HTR1F: variants seen among roughly 807,000 people sequenced by gnomAD.
HTR1F encodes the protein 5-hydroxytryptamine (serotonin) receptor 1F, G protein-coupled.
A neutral mutation model predicts 24.0 loss-of-function variants in HTR1F; 17 were observed. That is an observed-to-expected ratio of 0.71 (90% confidence interval 0.48 to 1.06). The LOEUF is 1.06. Among genes scored for constraint, HTR1F ranks in the 50% least tolerant of loss-of-function variants. The pLI is 0.00. For synonymous variants in HTR1F, 186 were observed against 156.8 expected, an observed-to-expected ratio of 1.19 and a Z score of -1.39; for missense variants, 391 against 427.8, an observed-to-expected ratio of 0.91 and a Z score of 0.76.
chr3:87,855,601 C>T (rs904234453), intron 2 of HTR1F, among the ~76,000 whole-genome samples: 2 of 151,916 alleles, frequency 1.3e-5, no homozygotes, highest in African/African-American at 4.8e-5. Flanking sequence ...TTTCTCTGTC[C>T]ATTGTATTAC....
At chr3:87,844,102 C>T (rs1432010120) in intron 2 of HTR1F, among the ~76,000 whole-genome samples, 1 of 150,850 alleles carries the variant, frequency 6.6e-6, no homozygotes, top group African/African-American at 2.5e-5. Context: ...GGAATCGCCA[C>T]ACTGACTTCC....
At chr3:87,840,301 T>C (rs1286368244) in intron 2 of HTR1F, among the ~76,000 whole-genome samples, 3 of 152,264 alleles carry the variant, frequency 2.0e-5, no homozygotes, top group Admixed American at 2.0e-4. Context: ...ATAGAAGTCA[T>C]GTAAATGGCC....
intron 2 of HTR1F, among the ~76,000 whole-genome samples, chr3:87,917,491 G>GA (rs1157352392): frequency 6.6e-6 from 1 of 151,420 alleles, no homozygotes; most frequent in African/African-American, 2.4e-5. Context: ...AAAGAAGAGA[G>GA]AAAATCTAAA....
chr3:87,919,734 A>G (rs190733234), intron 2 of HTR1F, among the ~76,000 whole-genome samples: 3 of 152,152 alleles, frequency 2.0e-5, no homozygotes, highest in Non-Finnish European at 2.9e-5. Flanking sequence ...GTTGGCGTGG[A>G]TGCAGTGGAC....
chr3:87,959,885 TTA>T (rs1705024269), intron 2 of HTR1F, among the ~76,000 whole-genome samples: 1 of 151,860 alleles, frequency 6.6e-6, no homozygotes, highest in African/African-American at 2.4e-5. Flanking sequence ...CAAATGTCAT[TTA>T]TATAGAAAAA....
At chr3:87,869,432 G>GATAC (rs879498079) in intron 2 of HTR1F, among the ~76,000 whole-genome samples, 31 of 135,004 alleles carry the variant, frequency 2.3e-4, no homozygotes, top group African/African-American at 7.5e-4. Context: ...TAGATAGATA[G>GATAC]ATACATAGAT....
chr3:87,967,345 G>A (rs1426108662), intron 2 of HTR1F, among the ~76,000 whole-genome samples: 1 of 152,050 alleles, frequency 6.6e-6, no homozygotes, highest in Non-Finnish European at 1.5e-5. Context: ...CGCTACTCAG[G>A]AGGCTGAGGC....
intron 2 of HTR1F, among the ~76,000 whole-genome samples, chr3:87,973,145 T>G (rs746131397): frequency 6.6e-6 from 1 of 152,140 alleles, no homozygotes; most frequent in Non-Finnish European, 1.5e-5. Context: ...CACTCCAGCC[T>G]GGGTGACAAG....
chr3:87,990,287 A>G (rs773266006), intron 2 of HTR1F, among the ~76,000 whole-genome samples: 2 of 152,162 alleles, frequency 1.3e-5, no homozygotes, highest in East Asian at 1.9e-4. Context: ...CACTGGCTCT[A>G]TCAGCTTTGA....
At chr3:87,807,157 T>C (rs1704087045) in intron 1 of HTR1F, among the ~76,000 whole-genome samples, 1 of 152,072 alleles carries the variant, frequency 6.6e-6, no homozygotes, top group South Asian at 2.1e-4. Flanking sequence ...TTTCTATTTC[T>C]GTAAAAAATC....
chr3:87,936,544 A>G (rs1369231453), intron 2 of HTR1F, among the ~76,000 whole-genome samples: 5 of 152,214 alleles, frequency 3.3e-5, no homozygotes, highest in African/African-American at 1.2e-4. Context: ...AATTTTTATA[A>G]CACTCCAATA....
Position 87,928,118 on chromosome 3 carries a change from T to C in HTR1F, c.-42-62590T>C, listed in dbSNP as rs1333837888. 6.0e-5 allele frequency among the ~76,000 whole-genome samples: 9 copies of C among 151,036 alleles called. No individual in the cohort carries two copies. In the Admixed American group the frequency reaches 6.0e-4, roughly 10 times the overall value. On this transcript the variant is annotated intron_variant, in intron 2 of 2. Coordinates refer to ENST00000319595, the MANE Select transcript of HTR1F (RefSeq NM_001322209.2). ...TGGAGTGCAGTGGTGCAATCTCAGC[T>C]CACTGCAACCTCTGCTTCCCAGGTT...
chr3:87,930,602 A>G (rs966948865), intron 2 of HTR1F, among the ~76,000 whole-genome samples: 2 of 152,148 alleles, frequency 1.3e-5, no homozygotes, highest in African/African-American at 4.8e-5. Flanking sequence ...TGATTTGTGT[A>G]TGTTGTACCA....
At chr3:87,826,289 A>G (rs1575913855) in intron 2 of HTR1F, among the ~76,000 whole-genome samples, 1 of 152,174 alleles carries the variant, frequency 6.6e-6, no homozygotes, top group African/African-American at 2.4e-5. Flanking sequence ...TCCTCTTTCT[A>G]TAACAGCTGG....
chr3:87,845,438 A>G (rs1704918509), intron 2 of HTR1F, among the ~76,000 whole-genome samples: 1 of 149,440 alleles, frequency 6.7e-6, no homozygotes, highest in African/African-American at 2.5e-5. Flanking sequence ...ATACACCAAC[A>G]ACAGACAAAC....
intron 2 of HTR1F, among the ~76,000 whole-genome samples, chr3:87,902,703 T>G (rs1177767078): frequency 1.3e-5 from 2 of 150,490 alleles, no homozygotes; most frequent in African/African-American, 4.9e-5. Context: ...ACCCATTAAC[T>G]CGTCATTTAG....
At chr3:87,901,544 G>T (rs1280637925) in intron 2 of HTR1F, among the ~76,000 whole-genome samples, 3 of 152,072 alleles carry the variant, frequency 2.0e-5, no homozygotes, top group Admixed American at 6.6e-5. Context: ...AGATTTTCTA[G>T]ACTTCTTAAG....
intron 2 of HTR1F, among the ~76,000 whole-genome samples, chr3:87,981,210 T>C (rs2107513302): frequency 6.6e-6 from 1 of 152,266 alleles, no homozygotes; most frequent in South Asian, 2.1e-4. Flanking sequence ...TGTTTGTTTT[T>C]TGGAGATGGA....
At chr3:87,944,273 A>G (rs546454584) in intron 2 of HTR1F, among the ~76,000 whole-genome samples, 54 of 152,336 alleles carry the variant, frequency 3.5e-4, no homozygotes, top group African/African-American at 1.3e-3. Context: ...CCCATAAGCA[A>G]CAGTTCTTAT....
Sources: gnomAD v4.1 joint callset for allele counts (sites outside exome capture counted in the v4.1 genomes callset) on GRCh38, gnomAD v4.1.1 for gene constraint, MANE v1.5 for transcripts, NCBI Gene and HGNC (gene_info 2026-07-23, HGNC 2026-07-21) for gene names.